Variants in CDCA8 observed in about 807,000 individuals in gnomAD.
CDCA8 encodes borealin.
In CDCA8, 25 loss-of-function variants were observed where a neutral mutation model predicts 40.0. The ratio of observed to expected loss-of-function variants is 0.63; its 90% CI spans 0.46 to 0.87. The LOEUF (loss-of-function observed/expected upper bound fraction) is 0.87. CDCA8 is among the 40% of genes least tolerant of loss of function. CDCA8 has a pLI of 0.00. For synonymous variants in CDCA8, 111 were observed against 126.5 expected (o/e 0.88, Z 0.82); for missense variants, 280 against 348.4 (o/e 0.80, Z 1.56).
Position 37,692,928 on chromosome 1 carries a change from G to C in CDCA8, c.118G>C (p.Glu40Gln). The change falls in exon 2 of 10, where the codon GAG (glutamate) becomes CAG (glutamine). Residue 40 changes from glutamate (E) to glutamine (Q), a missense_variant. Physicochemically the swap from Glu to Gln is conservative, Grantham distance 29 (BLOSUM62 2). Coordinates refer to ENST00000373055, the MANE Select transcript of CDCA8 (RefSeq NM_001256875.2). The part of the protein sequence containing the change: ...REVEIRIKQI[E>Q]SDRQNLLKEV... ...AGTGGAAATACGAATCAAGCAAATT[G>C]AGTCAGACAGGCAGAACCTCCTCAA... 6.2e-7 allele frequency: 1 copy of C among 1,614,116 alleles called. No homozygotes were observed. The highest frequency in any genetic ancestry group is 8.5e-7 in the Non-Finnish European group (1 of 1,180,034).
chr1:37,696,328 A>G lies in CDCA8; in HGVS notation c.264+378A>G, dbSNP rs1645526986. 6.6e-6 allele frequency among the ~76,000 whole-genome samples: 1 copy of G among 152,128 alleles called. No homozygotes were observed. The highest frequency in any genetic ancestry group is 6.6e-5 in the Admixed American group (1 of 15,266). ...AGTGCTTTTGCTTGGGATGCTCAGT[A>G]TTCCCCAACCCCTCTCATCTCCTTC... On this transcript the variant is annotated intron_variant, in intron 3 of 9. Transcript: ENST00000373055. This position sits in a 1 kb window ranked among gnomAD's most constrained non-coding sequence, Gnocchi z 5.0.
Position 37,707,075 on chromosome 1 carries a change from T to C in CDCA8, c.798+11T>C, listed in dbSNP as rs1569583798. Reference sequence around the variant, plus strand: ...ATTAAGAAGCTCTCCGTAAGTCTCATATTCATCTCCACACATAGGATGCCT... The same window carrying C: ...ATTAAGAAGCTCTCCGTAAGTCTCACATTCATCTCCACACATAGGATGCCT... On this transcript the variant is annotated intron_variant, in intron 9 of 9. Transcript: ENST00000373055. 6.2e-7 allele frequency: 1 copy of C among 1,606,262 alleles called. No homozygotes were observed.
rs544140191 is a variant in CDCA8, at chr1:37,704,493, T to C, written c.585-948T>C. 8.5e-5 allele frequency among the ~76,000 whole-genome samples: 13 copies of C among 152,304 alleles called. 1 individual carries two copies. In the East Asian group the frequency reaches 2.5e-3, roughly 29 times the overall value. On this transcript the variant is annotated intron_variant, in intron 7 of 9. Coordinates refer to ENST00000373055, the MANE Select transcript of CDCA8 (RefSeq NM_001256875.2). The stretch of plus-strand genomic sequence containing the variant: ...GGTTGCTGAACACTGTGCTGTATGA[T>C]CCCATTTGGTTTTATATACATACAA...
intron 2 of CDCA8, among the ~76,000 whole-genome samples, chr1:37,693,493 G>A (rs1484696349): frequency 6.6e-6 from 1 of 152,070 alleles, no homozygotes; most frequent in African/African-American, 2.4e-5. Context: ...CCACCTTCTG[G>A]GTTCAAGTGA....
chr1:37,697,059 T>A (rs756367845), intron 3 of CDCA8, among the ~76,000 whole-genome samples: 2 of 152,194 alleles, frequency 1.3e-5, no homozygotes, highest in Non-Finnish European at 2.9e-5. Flanking sequence ...AATGAGAACT[T>A]CTAATGTAAT....
intron 8 of CDCA8, among the ~76,000 whole-genome samples, chr1:37,706,404 G>A (rs1296878991): frequency 2.6e-5 from 4 of 152,140 alleles, no homozygotes; most frequent in Non-Finnish European, 5.9e-5. Context: ...CACCACACCC[G>A]GCCTCCATCT....
chr1:37,697,268 G>A (rs892759530), intron 3 of CDCA8, among the ~76,000 whole-genome samples: 2 of 152,212 alleles, frequency 1.3e-5, no homozygotes, highest in African/African-American at 4.8e-5. Context: ...CACCCATGGC[G>A]ATGATTTATT....
intron 6 of CDCA8, among the ~76,000 whole-genome samples, chr1:37,702,763 C>G (rs1420737303): frequency 6.6e-6 from 1 of 152,074 alleles, no homozygotes; most frequent in African/African-American, 2.4e-5. Flanking sequence ...ACCCGCCTGG[C>G]CAACATGGTG....
chr1:37,692,583 G>A lies in CDCA8; in HGVS notation c.-108G>A. The stretch of plus-strand genomic sequence containing the variant: ...GCCCTTGTCTCGGGACCGCAGGTAC[G>A]TGCCTGGCGACTTCTTCGGGTGGTC... On this transcript the variant is annotated 5_prime_UTR_variant, in exon 1 of 10. The change creates a new upstream start codon in the 5' untranslated region. Coordinates refer to ENST00000373055, the MANE Select transcript of CDCA8 (RefSeq NM_001256875.2). 1 of 835,188 alleles carries A rather than the reference G, an allele frequency of 1.2e-6. No individual in the cohort carries two copies. Among genetic ancestry groups the A allele is most frequent in the Non-Finnish European group, 2.0e-6 (1 of 499,364 alleles). The allele number at this position is 835,188 out of a possible 1,614,324, so 51.7% of individuals were successfully genotyped here.
intron 3 of CDCA8, 65 bp from the exon 4 acceptor site, chr1:37,698,840 T>C: frequency 9.1e-7 from 1 of 1,098,674 alleles, no homozygotes; most frequent in Non-Finnish European, 1.4e-6. Context: ...AGTTTTTATC[T>C]TGAAATATTG....
At chr1:37,703,699 G>A (rs1451864062) in intron 7 of CDCA8, among the ~76,000 whole-genome samples, 8 of 152,172 alleles carry the variant, frequency 5.3e-5, no homozygotes, top group Admixed American at 5.2e-4. Flanking sequence ...CTGGGCAACA[G>A]AGTGAGACTC....
intron 3 of CDCA8, among the ~76,000 whole-genome samples, chr1:37,698,039 C>T (rs1410147125): frequency 6.6e-6 from 1 of 151,810 alleles, no homozygotes; most frequent in African/African-American, 2.4e-5. Flanking sequence ...GAAAAAAAAA[C>T]GAATTTGAAT....
intron 5 of CDCA8, 120 bp from the exon 6 acceptor site, chr1:37,701,634 T>C: frequency 1.7e-6 from 1 of 598,244 alleles, no homozygotes; most frequent in Non-Finnish European, 2.9e-6. Flanking sequence ...CACCTTATTA[T>C]ATTTAGTATT....
chr1:37,707,101 C>A lies in CDCA8; in HGVS notation c.798+37C>A, dbSNP rs773989226. The A allele has an allele frequency of 8.8e-6, 13 of 1,476,492 alleles. No individual in the cohort carries two copies. In the South Asian group the frequency reaches 1.1e-4, roughly 13 times the overall value. The allele number at this position is 1,476,492 out of a possible 1,614,324, so 91.5% of individuals were successfully genotyped here. A position where few individuals can be genotyped will look rare whatever the true frequency, so the allele number is the denominator to read the frequency against. ...ATTCATCTCCACACATAGGATGCCT[C>A]CAGTAGCTTTCTTGGGCTACCTTTA... On this transcript the variant is annotated intron_variant, in intron 9 of 9. Coordinates refer to ENST00000373055, the MANE Select transcript of CDCA8 (RefSeq NM_001256875.2).
intron 4 of CDCA8, among the ~76,000 whole-genome samples, 177 bp downstream of exon 4, chr1:37,699,154 G>A (rs4653320): frequency 0.066 from 10,029 of 151,778 alleles, 464 homozygotes; most frequent in South Asian, 0.13. Context: ...TTTTTCCCCC[G>A]AACAGCAATT....
At chr1:37,700,169 T>C (rs957712308) in intron 4 of CDCA8, among the ~76,000 whole-genome samples, 1 of 152,152 alleles carries the variant, frequency 6.6e-6, no homozygotes. Context: ...ATTTCGGGGC[T>C]ACACACCAGG....
Position 37,705,465 on chromosome 1 carries a change from T to G in CDCA8, c.609T>G (p.Arg203=). 1 of 1,613,994 alleles carries G rather than the reference T, an allele frequency of 6.2e-7. No individual in the cohort carries two copies. The highest frequency in any genetic ancestry group is 8.5e-7 in the Non-Finnish European group (1 of 1,179,908). The part of the protein sequence containing the change: ...DSRVFKTPGL[R]TPAAGERIYN... ...GGGTCTTCAAGACCCCTGGCCTGCG[T>G]ACTCCAGCAGCAGGAGAGCGGATTT... Residue 203 remains arginine, a synonymous_variant, in exon 8 of 10, where the codon CGT becomes CGG. Transcript: ENST00000373055.
rs765795028 is a variant in CDCA8, at chr1:37,706,984, C to T, written c.718C>T (p.Arg240Ter). 5 of 1,613,876 alleles carry T rather than the reference C, an allele frequency of 3.1e-6. No homozygotes were observed. The highest frequency in any genetic ancestry group is 1.7e-5 in the Admixed American group (1 of 60,030). The change falls in exon 9 of 10, where the codon CGA becomes TGA. Residue 240 changes from arginine (R) to a stop codon, truncating the protein, a stop_gained. Transcript: ENST00000373055. LOFTEE classifies it high-confidence loss of function. ...CACTCCCCTTTCTATTCAGAGCCTG[C>T]GATTATTGGCCAGTGACTTGCAGAG... ...TVPVGGGESLRLLASDLQRHS... is the reference protein window; with the variant it reads ...TVPVGGGESL
At position 37,701,735 on chromosome 1, in the gene CDCA8, C is replaced by T. The variant is rs1356147071; in HGVS notation, c.424-19C>T. On this transcript the variant is annotated intron_variant, in intron 5 of 9. Coordinates refer to ENST00000373055, the MANE Select transcript of CDCA8 (RefSeq NM_001256875.2). ...GCTGGGTTTTTTGTAACCTTAGTCT[C>T]ATTTGATTGTGACTGCAGGTCAAAA... 2 of 1,587,574 alleles carry T rather than the reference C, an allele frequency of 1.3e-6. No homozygotes were observed. The highest frequency in any genetic ancestry group is 2.2e-5 in the South Asian group (2 of 90,192).
Sources: allele counts gnomAD v4.1 joint callset (sites outside exome capture counted in the v4.1 genomes callset), GRCh38; gene constraint gnomAD v4.1.1; non-coding constraint Gnocchi (gnomAD v3.1); transcripts MANE v1.5; gene names NCBI Gene and HGNC (gene_info 2026-07-23, HGNC 2026-07-21).